WRN: variants seen among roughly 807,000 people sequenced by gnomAD.
The protein encoded by WRN is bifunctional 3'-5' exonuclease/ATP-dependent helicase WRN.
A neutral mutation model predicts 180.7 loss-of-function variants in WRN; 149 were observed. The observed-to-expected ratio is 0.82, with a 90% CI of 0.72 to 0.94. The LOEUF (loss-of-function observed/expected upper bound fraction) is 0.94. Ranked by LOEUF, WRN falls within the 40% of genes least tolerant of loss-of-function variation. The pLI, the probability that WRN is intolerant of heterozygous loss-of-function variation, is 0.00. For synonymous variants in WRN, 548 were observed against 568.9 expected (o/e 0.96, Z 0.52); for missense variants, 1,661 against 1,700.1 (o/e 0.98, Z 0.40).
At chr8:31,050,125 C>T (rs917882961) in intron 1 of WRN, among the ~76,000 whole-genome samples, 3 of 152,086 alleles carry the variant, frequency 2.0e-5, no homozygotes, top group African/African-American at 7.2e-5. Flanking sequence ...AGAACGAACA[C>T]ATGTCATATG....
At chr8:31,162,737 A>G (rs1450088477) in intron 33 of WRN, among the ~76,000 whole-genome samples, 2 of 152,150 alleles carry the variant, frequency 1.3e-5, no homozygotes, top group African/African-American at 4.8e-5. Flanking sequence ...GGAACTTTTC[A>G]GCTCCATGAT....
At chr8:31,054,392 A>G (rs1450591805) in intron 1 of WRN, among the ~76,000 whole-genome samples, 1 of 151,486 alleles carries the variant, frequency 6.6e-6, no homozygotes, top group African/African-American at 2.4e-5. Context: ...AATAAAAAAC[A>G]ATTTTTTTTT....
In WRN at chr8:31,090,474, GA is replaced by G. The variant is rs1585440064; in HGVS notation, c.1665del (p.Val556Ter). 6.2e-7 allele frequency: 1 copy of G among 1,611,940 alleles called. No individual in the cohort carries two copies. The highest frequency in any genetic ancestry group is 8.5e-7 in the Non-Finnish European group (1 of 1,178,620). ...GHSSFKPVQW[K>X]VIHSVLEERR... ...GCTTTTCACCTTCAAGAGTTCAGTG[GA>G]AAGTGATTCATTCAGTATTAGAAGA... On this transcript the variant is annotated frameshift_variant, in exon 14 of 35. Coordinates refer to ENST00000298139, the MANE Select transcript of WRN (RefSeq NM_000553.6). LOFTEE classifies it high-confidence loss of function.
chr8:31,165,453 A>G (rs1380481632), intron 33 of WRN, among the ~76,000 whole-genome samples: 1 of 152,102 alleles, frequency 6.6e-6, no homozygotes, highest in African/African-American at 2.4e-5. Context: ...TAGTAGCCAC[A>G]TTTTAAAAAG....
At chr8:31,128,847 A>G (rs529680844) in intron 23 of WRN, among the ~76,000 whole-genome samples, 6 of 152,372 alleles carry the variant, frequency 3.9e-5, no homozygotes, top group African/African-American at 1.4e-4. Context: ...CAACAGAGCG[A>G]GACTCTGTCT....
intron 8 of WRN, among the ~76,000 whole-genome samples, chr8:31,079,221 T>A (rs1212344844): frequency 6.6e-6 from 1 of 152,132 alleles, no homozygotes; most frequent in Non-Finnish European, 1.5e-5. Flanking sequence ...AACTTTGGAG[T>A]GGTGTTTTCA....
chr8:31,125,381 A>T (rs931700251), intron 23 of WRN, among the ~76,000 whole-genome samples: 18 of 150,954 alleles, frequency 1.2e-4, no homozygotes, highest in African/African-American at 4.4e-4. Flanking sequence ...AACATTAATC[A>T]AAAGGAAGTT....
intron 16 of WRN, among the ~76,000 whole-genome samples, chr8:31,093,323 G>C (rs1468417620): frequency 6.6e-6 from 1 of 152,112 alleles, no homozygotes; most frequent in African/African-American, 2.4e-5. Context: ...TTTTTTCTGA[G>C]ATAAAATTAG....
chr8:31,069,049 A>G (rs1216067024), intron 7 of WRN, among the ~76,000 whole-genome samples: 1 of 152,244 alleles, frequency 6.6e-6, no homozygotes, highest in Non-Finnish European at 1.5e-5. Flanking sequence ...ACCGTTTTAT[A>G]GAATAATTGT....
intron 32 of WRN, among the ~76,000 whole-genome samples, chr8:31,155,820 A>G (rs1026025327): frequency 2.0e-5 from 3 of 152,166 alleles, no homozygotes; most frequent in Admixed American, 6.5e-5. Context: ...GATATGGTCC[A>G]ATGCCTGCTT....
chr8:31,061,704 G>T (rs1812490777), intron 3 of WRN, among the ~76,000 whole-genome samples: 1 of 152,018 alleles, frequency 6.6e-6, no homozygotes, highest in Non-Finnish European at 1.5e-5. Flanking sequence ...TTAGTCTAAA[G>T]GTAATTTAGC....
intron 16 of WRN, among the ~76,000 whole-genome samples, chr8:31,094,073 G>C (rs1308114514): frequency 6.6e-6 from 1 of 152,174 alleles, no homozygotes; most frequent in Non-Finnish European, 1.5e-5. Flanking sequence ...TCGTATGTAA[G>C]TCTTTGTATG....
At chr8:31,080,755 C>A in intron 8 of WRN, 112 bp from the exon 9 acceptor site, 1 of 881,580 alleles carries the variant, frequency 1.1e-6, no homozygotes, top group Non-Finnish European at 1.7e-6. Flanking sequence ...TACTATTGAT[C>A]TTTTAAGTGA....
intron 31 of WRN, among the ~76,000 whole-genome samples, chr8:31,153,273 C>T (rs1803213639): frequency 6.6e-6 from 1 of 152,144 alleles, no homozygotes; most frequent in African/African-American, 2.4e-5. Context: ...AACCCAACTA[C>T]CCTGTAACAA....
At chr8:31,137,186 A>G (rs1314501685) in intron 24 of WRN, among the ~76,000 whole-genome samples, 3 of 152,068 alleles carry the variant, frequency 2.0e-5, no homozygotes, top group African/African-American at 7.2e-5. Context: ...GGTGATTGCC[A>G]TGGAAACAAG....
At chr8:31,065,552 C>T (rs780813267) in intron 5 of WRN, among the ~76,000 whole-genome samples, 2 of 152,138 alleles carry the variant, frequency 1.3e-5, no homozygotes, top group African/African-American at 2.4e-5. Flanking sequence ...CATGTCCCTG[C>T]AAAGGACATG....
At chr8:31,107,956 A>T (rs1563355720) in intron 18 of WRN, among the ~76,000 whole-genome samples, 1 of 152,236 alleles carries the variant, frequency 6.6e-6, no homozygotes, top group East Asian at 1.9e-4. Flanking sequence ...ACTATTTAGA[A>T]TGAGTGCATG....
chr8:31,054,516 GC>G (rs1812189606), intron 1 of WRN, among the ~76,000 whole-genome samples: 1 of 152,024 alleles, frequency 6.6e-6, no homozygotes, highest in African/African-American at 2.4e-5. Context: ...GAGCCACTGT[GC>G]CTGGCCAAAA....
rs3087430 is a variant in WRN at position 31,058,599 on chromosome 8, T to C, written c.96+56T>C. ...GAGAAATTTAATTTATATTTGACTGTGCAAAGAGTCAGTTGTTACTTGTAA... is the reference window on the plus strand; with the variant it reads ...GAGAAATTTAATTTATATTTGACTGCGCAAAGAGTCAGTTGTTACTTGTAA... On this transcript the variant is annotated intron_variant, in intron 2 of 34. Coordinates refer to ENST00000298139, the MANE Select transcript of WRN (RefSeq NM_000553.6). 1,238 of 1,550,482 alleles carry C rather than the reference T, an allele frequency of 8.0e-4. 14 individuals are homozygous for C. In the East Asian group the frequency reaches 0.021, roughly 27 times the overall value.
Sources: allele counts gnomAD v4.1 joint callset (sites outside exome capture counted in the v4.1 genomes callset), GRCh38; gene constraint gnomAD v4.1.1; transcripts MANE v1.5; gene names NCBI Gene and HGNC (gene_info 2026-07-23, HGNC 2026-07-21).